The following ATP1B3 variants were observed in gnomAD, a reference collection of about 807,000 sequenced individuals.
The protein encoded by ATP1B3 is ATPase Na+/K+ transporting subunit beta 3.
ATP1B3 carries 10 observed loss-of-function variants against 30.2 expected under a neutral mutation model. The observed-to-expected ratio is 0.33, with a 90% confidence interval of 0.20 to 0.56. The LOEUF (loss-of-function observed/expected upper bound fraction) is 0.56, where lower values mean the gene tolerates loss of function less well. ATP1B3 is among the 20% of genes least tolerant of loss of function. ATP1B3 has a pLI of 0.90. For synonymous variants in ATP1B3, 113 were observed against 117.0 expected (o/e 0.97, Z 0.22); for missense variants, 238 against 336.7 (o/e 0.71, Z 2.29).
chr3:141,886,376 GC>G (rs533426158), intron 1 of ATP1B3, among the ~76,000 whole-genome samples: 215 of 152,220 alleles, frequency 1.4e-3, no homozygotes, highest in African/African-American at 4.8e-3. Context: ...TCTGCCATAA[GC>G]CTTCTCTGAT....
At chr3:141,877,662 T>G (rs1460738620) in intron 1 of ATP1B3, 1 of 152,162 alleles carries the variant, frequency 6.6e-6, no homozygotes, top group African/African-American at 2.4e-5. Context: ...CACAGGTTTT[T>G]TTTTTTTTTC....
At chr3:141,879,500 G>A (rs1224426525) in intron 1 of ATP1B3, among the ~76,000 whole-genome samples, 1 of 151,846 alleles carries the variant, frequency 6.6e-6, no homozygotes, top group African/African-American at 2.4e-5. Context: ...GGCCGGGCGC[G>A]GTGGCTCACA....
intron 1 of ATP1B3, among the ~76,000 whole-genome samples, chr3:141,884,546 A>G (rs1933794942): frequency 6.6e-6 from 1 of 152,152 alleles, no homozygotes; most frequent in African/African-American, 2.4e-5. Context: ...TTGCCAAAGG[A>G]GATTAACATT....
intron 1 of ATP1B3, among the ~76,000 whole-genome samples, chr3:141,888,600 T>C (rs1002270777): frequency 1.3e-5 from 2 of 152,160 alleles, no homozygotes; most frequent in African/African-American, 4.8e-5. Context: ...AGAGGTTTAA[T>C]TGACTCACAT....
At chr3:141,903,477 A>G (rs1934204748) in intron 1 of ATP1B3, 143 bp from the exon 2 acceptor site, 2 of 1,237,286 alleles carry the variant, frequency 1.6e-6, no homozygotes, top group South Asian at 1.5e-5. Context: ...TGTGTCCTGA[A>G]TATGAGGATA....
At chr3:141,889,756 T>TATATATATACAC (rs1201511323) in intron 1 of ATP1B3, among the ~76,000 whole-genome samples, 5 of 84,042 alleles carry the variant, frequency 5.9e-5, no homozygotes, top group Non-Finnish European at 8.5e-5. Context: ...AAAAAATATA[T>TATATATATACAC]ACACACACAC....
At chr3:141,922,572 G>T (rs979784323) in intron 6 of ATP1B3, among the ~76,000 whole-genome samples, 3 of 151,692 alleles carry the variant, frequency 2.0e-5, no homozygotes, top group Middle Eastern at 3.4e-3. Context: ...AGAATCGCTT[G>T]AACCCAGGAG....
chr3:141,897,146 T>C (rs1576393235), intron 1 of ATP1B3, among the ~76,000 whole-genome samples: 1 of 152,272 alleles, frequency 6.6e-6, no homozygotes, highest in Non-Finnish European at 1.5e-5. Flanking sequence ...GAAGCAAAGC[T>C]GTGCTCACCT....
intron 1 of ATP1B3, among the ~76,000 whole-genome samples, chr3:141,892,318 A>G (rs1933970159): frequency 6.6e-6 from 1 of 152,012 alleles, no homozygotes; most frequent in South Asian, 2.1e-4. Flanking sequence ...CCATATCTAC[A>G]TTTCTTTTGT....
At chr3:141,905,814 A>T (rs1440255941) in intron 2 of ATP1B3, among the ~76,000 whole-genome samples, 1 of 152,184 alleles carries the variant, frequency 6.6e-6, no homozygotes, top group African/African-American at 2.4e-5. Flanking sequence ...TTATAATTGC[A>T]TGAAATATAT....
chr3:141,886,867 T>G (rs2115937), intron 1 of ATP1B3, among the ~76,000 whole-genome samples: 84,770 of 151,918 alleles, frequency 0.56, 24,212 homozygotes, highest in African/African-American at 0.68. Flanking sequence ...GCTGGCTGTG[T>G]TAGCACACAT....
chr3:141,876,918 G>A lies in ATP1B3; in HGVS notation c.109+8G>A. 1 of 1,557,146 alleles carries A rather than the reference G, an allele frequency of 6.4e-7. No homozygotes were observed. The highest frequency in any genetic ancestry group is 8.7e-7 in the Non-Finnish European group (1 of 1,153,104). On this transcript the variant is annotated splice_region_variant and intron_variant, in intron 1 of 6. Transcript: ENST00000286371. The stretch of plus-strand genomic sequence containing the variant: ...GCACCGCCAAGAGCTGGGGTGAGCG[G>A]GCAGCAGCTGGGCGTCCGGGGCCGG...
intron 1 of ATP1B3, among the ~76,000 whole-genome samples, chr3:141,890,378 C>T (rs1327836733): frequency 7.4e-6 from 1 of 135,366 alleles, no homozygotes; most frequent in Non-Finnish European, 1.5e-5. Context: ...TTTTGGCTCA[C>T]TGCAACCTCC....
intron 1 of ATP1B3, among the ~76,000 whole-genome samples, chr3:141,879,446 C>T (rs1933677505): frequency 6.6e-6 from 1 of 151,992 alleles, no homozygotes; most frequent in Admixed American, 6.6e-5. Context: ...AGCACTGAGG[C>T]TATTTTTACC....
At chr3:141,893,396 C>T (rs1159170887) in intron 1 of ATP1B3, among the ~76,000 whole-genome samples, 3 of 152,156 alleles carry the variant, frequency 2.0e-5, no homozygotes, top group Non-Finnish European at 4.4e-5. Context: ...CCAATCTAGA[C>T]ACAAGCTTGT....
chr3:141,893,873 A>G (rs1158900949), intron 1 of ATP1B3, among the ~76,000 whole-genome samples: 1 of 152,164 alleles, frequency 6.6e-6, no homozygotes, highest in African/African-American at 2.4e-5. Context: ...CTTCTGAGAA[A>G]TGTGCTTAGC....
chr3:141,908,726 G>A (rs1473004157), intron 3 of ATP1B3, among the ~76,000 whole-genome samples: 1 of 152,140 alleles, frequency 6.6e-6, no homozygotes, highest in Non-Finnish European at 1.5e-5. Flanking sequence ...TCTCTGAAAG[G>A]ATTATTTCCA....
chr3:141,908,822 TAGA>T (rs1380683731), intron 3 of ATP1B3, among the ~76,000 whole-genome samples: 5 of 152,232 alleles, frequency 3.3e-5, no homozygotes, highest in African/African-American at 1.2e-4. Flanking sequence ...CAAGAGATAA[TAGA>T]AGAACTCAGA....
chr3:141,897,171 T>TG (rs1419888490), intron 1 of ATP1B3, among the ~76,000 whole-genome samples: 3 of 152,186 alleles, frequency 2.0e-5, no homozygotes, highest in Non-Finnish European at 2.9e-5. Flanking sequence ...GCTCCTGCTG[T>TG]GGTACTCCAT....
Sources: gnomAD v4.1 joint callset for allele counts (sites outside exome capture counted in the v4.1 genomes callset) on GRCh38, gnomAD v4.1.1 for gene constraint, MANE v1.5 for transcripts, NCBI Gene and HGNC (gene_info 2026-07-23, HGNC 2026-07-21) for gene names.